NUP98: variants seen among roughly 807,000 people sequenced by gnomAD.
NUP98 encodes the protein nucleoporin 98 and 96 precursor, also known as nuclear pore complex protein Nup98-Nup96.
NUP98 carries 26 observed loss-of-function variants against 191.9 expected under a neutral mutation model. The ratio of observed to expected loss-of-function variants is 0.14; its 90% CI spans 0.10 to 0.19. The LOEUF (loss-of-function observed/expected upper bound fraction) is 0.19, where lower values mean the gene tolerates loss of function less well. Ranked by LOEUF, NUP98 falls within the 10% of genes least tolerant of loss-of-function variation. The probability of loss-of-function intolerance (pLI) is 1.00; values close to 1 mark genes in which losing one functional copy is unlikely to be tolerated. For synonymous variants in NUP98, 808 were observed against 778.4 expected, an observed-to-expected ratio of 1.04 and a Z score of -0.63; for missense variants, 1,941 against 2,178.8, an observed-to-expected ratio of 0.89 and a Z score of 2.17.
chr11:3,684,190 C>T (rs1056686889), intron 29 of NUP98, among the ~76,000 whole-genome samples: 3 of 152,034 alleles, frequency 2.0e-5, no homozygotes, highest in African/African-American at 2.4e-5. Flanking sequence ...CCAGCCTGGG[C>T]GACAAGACCG....
chr11:3,685,627 A>G (rs1357071592), intron 29 of NUP98, among the ~76,000 whole-genome samples: 1 of 152,154 alleles, frequency 6.6e-6, no homozygotes, highest in Non-Finnish European at 1.5e-5. Flanking sequence ...TTTCCACTTC[A>G]TTATTTCCTA....
chr11:3,706,457 T>C lies in NUP98; in HGVS notation c.2913A>G (p.Pro971=). 5.0e-6 allele frequency: 8 copies of C among 1,614,112 alleles called. No homozygotes were observed. Among genetic ancestry groups the C allele is most frequent in the Non-Finnish European group, 6.8e-6 (8 of 1,179,974 alleles). The part of the protein sequence containing the change: ...THIASSLGIN[P]HVLQIMKASL... ...GTTAGAACTTCACCTGTAAGACATG[T>C]GGATTAATTCCCAGTGAAGATGCAA... is the stretch of plus-strand genomic sequence containing the variant. The change falls in exon 21 of 33, where the codon CCA becomes CCG. Residue 971 remains proline, a synonymous_variant. Transcript: ENST00000324932.
intron 31 of NUP98, chr11:3,676,821 C>G (rs538524796): frequency 4.5e-5 from 31 of 688,414 alleles, no homozygotes; most frequent in South Asian, 3.4e-4. Flanking sequence ...GAAGGTAACA[C>G]AGTTACCTAG....
chr11:3,758,685 C>G (rs1462868014), intron 10 of NUP98, among the ~76,000 whole-genome samples: 1 of 151,896 alleles, frequency 6.6e-6, no homozygotes, highest in East Asian at 1.9e-4. Flanking sequence ...CTCAGGAGGC[C>G]GAGACAGGAA....
chr11:3,720,638 C>T (rs1311193413), intron 17 of NUP98, 74 bp downstream of exon 17: 5 of 751,656 alleles, frequency 6.7e-6, no homozygotes, highest in African/African-American at 5.4e-5. Flanking sequence ...ATTCAGCTAT[C>T]AAAAGCTTCC....
intron 13 of NUP98, among the ~76,000 whole-genome samples, chr11:3,731,948 T>C (rs1589829773): frequency 6.6e-6 from 1 of 152,220 alleles, no homozygotes; most frequent in Non-Finnish European, 1.5e-5. Flanking sequence ...TTTTCAATTT[T>C]TGGATTTGGG....
intron 11 of NUP98, among the ~76,000 whole-genome samples, chr11:3,752,063 C>A (rs973586482): frequency 5.3e-5 from 8 of 149,774 alleles, no homozygotes; most frequent in African/African-American, 2.0e-4. Context: ...GTAGTCCCAG[C>A]TACTCGGGAA....
At chr11:3,766,768 G>T (rs1023182826) in intron 8 of NUP98, among the ~76,000 whole-genome samples, 1 of 151,394 alleles carries the variant, frequency 6.6e-6, no homozygotes. Flanking sequence ...TGGCTATTCC[G>T]GGTTCCTTCT....
At chr11:3,772,984 A>C (rs1335860812) in intron 6 of NUP98, among the ~76,000 whole-genome samples, 1 of 152,070 alleles carries the variant, frequency 6.6e-6, no homozygotes, top group Admixed American at 6.6e-5. Flanking sequence ...CTCAAAAACA[A>C]ACAAACAAAA....
At chr11:3,777,617 T>C (rs1358244401) in intron 4 of NUP98, among the ~76,000 whole-genome samples, 5 of 110,468 alleles carry the variant, frequency 4.5e-5, no homozygotes, top group Admixed American at 1.1e-4. Flanking sequence ...CAAGACTCCG[T>C]CTCAAAAAAA....
chr11:3,731,542 G>A lies in NUP98; in HGVS notation c.1579C>T (p.Leu527Phe), dbSNP rs1171138743. Reference protein sequence around the residue: ...KPTNPAAQKALTTPTHYKLTP... With the variant: ...KPTNPAAQKAFTTPTHYKLTP... Reference sequence around the variant, plus strand: ...AGTTTATAATGAGTAGGTGTAGTAAGAGCCTTCTGGGCTGCTGGATTTGTT... The same window carrying A: ...AGTTTATAATGAGTAGGTGTAGTAAAAGCCTTCTGGGCTGCTGGATTTGTT... Residue 527 changes from leucine (L) to phenylalanine (F), a missense_variant, in exon 14 of 33, where the codon CTT becomes TTT. Physicochemically the swap from Leu to Phe is conservative, Grantham distance 22 (BLOSUM62 0). Transcript: ENST00000324932. 1 of 1,596,318 alleles carries A rather than the reference G, an allele frequency of 6.3e-7. No individual in the cohort carries two copies. The highest frequency in any genetic ancestry group is 1.1e-5 in the South Asian group (1 of 87,112).
intron 5 of NUP98, among the ~76,000 whole-genome samples, chr11:3,775,530 CCATCTT>C (rs2081686632): frequency 1.3e-5 from 2 of 151,144 alleles, no homozygotes; most frequent in Non-Finnish European, 2.9e-5. Flanking sequence ...GAGCGAAACT[CCATCTT>C]AAAAAAACAA....
chr11:3,700,150 T>C (rs929749317), intron 24 of NUP98, among the ~76,000 whole-genome samples: 11 of 151,234 alleles, frequency 7.3e-5, no homozygotes, highest in Non-Finnish European at 1.0e-4. Context: ...GGTCAAGAGA[T>C]CGAGACAATC....
chr11:3,696,839 A>G (rs1380563797), intron 25 of NUP98: 1 of 151,794 alleles, frequency 6.6e-6, no homozygotes, highest in African/African-American at 2.4e-5. Context: ...ACAAAAAACA[A>G]AAAAAAAGGG....
chr11:3,711,395 T>C (rs1399142066), intron 20 of NUP98, among the ~76,000 whole-genome samples: 1 of 152,172 alleles, frequency 6.6e-6, no homozygotes, highest in African/African-American at 2.4e-5. Context: ...ATTTCTATTC[T>C]GGCAATTAAA....
At chr11:3,681,290 T>G (rs978053986) in intron 30 of NUP98, among the ~76,000 whole-genome samples, 7 of 151,974 alleles carry the variant, frequency 4.6e-5, no homozygotes, top group Non-Finnish European at 7.4e-5. Flanking sequence ...AATCTGCCGC[T>G]TTGGCCTCCC....
intron 1 of NUP98, among the ~76,000 whole-genome samples, chr11:3,788,684 G>A (rs1162221977): frequency 6.6e-6 from 1 of 152,154 alleles, no homozygotes; most frequent in Non-Finnish European, 1.5e-5. Flanking sequence ...GGTGGCTCAC[G>A]CATGTAATCG....
intron 1 of NUP98, among the ~76,000 whole-genome samples, chr11:3,789,354 C>T (rs1198551802): frequency 6.6e-6 from 1 of 152,130 alleles, no homozygotes; most frequent in African/African-American, 2.4e-5. Flanking sequence ...GCATAAAGCA[C>T]CACTGCAAAC....
At chr11:3,730,513 C>A (rs116389234) in intron 14 of NUP98, among the ~76,000 whole-genome samples, 2 of 151,862 alleles carry the variant, frequency 1.3e-5, no homozygotes, top group African/African-American at 4.8e-5. Context: ...TACAGACGCA[C>A]GCAGCCATGC....
Sources: allele counts gnomAD v4.1 joint callset (sites outside exome capture counted in the v4.1 genomes callset), GRCh38; gene constraint gnomAD v4.1.1; transcripts MANE v1.5; gene names NCBI Gene and HGNC (gene_info 2026-07-23, HGNC 2026-07-21).